Variants in NEGR1 observed in about 807,000 individuals in gnomAD.
NEGR1 encodes IgLON family member 4.
In NEGR1, 10 loss-of-function variants were observed where a neutral mutation model predicts 40.9. The observed-to-expected ratio is 0.24, with a 90% CI of 0.15 to 0.42. The LOEUF (loss-of-function observed/expected upper bound fraction) is 0.42, where lower values mean the gene tolerates loss of function less well. Among genes scored for constraint, NEGR1 ranks in the 10% least tolerant of loss-of-function variants. The probability of loss-of-function intolerance (pLI) is 1.00; values close to 1 mark genes in which losing one functional copy is unlikely to be tolerated. For missense variants in NEGR1, 352 were observed against 438.9 expected (o/e 0.80, Z 1.77); for synonymous variants, 185 against 166.8 (o/e 1.11, Z -0.84).
At chr1:72,081,094 C>A (rs1647976632) in intron 1 of NEGR1, among the ~76,000 whole-genome samples, 1 of 152,098 alleles carries the variant, frequency 6.6e-6, no homozygotes, top group South Asian at 2.1e-4. Context: ...AAGTTCTAGT[C>A]ATTTACATAC....
Position 72,006,580 on chromosome 1 carries a change from A to T in NEGR1, c.177-71269T>A, listed in dbSNP as rs529753644. ...CTACAGATCCATTATGCATTTTGAC[A>T]TTAAGCACCCAGTAATTAGCCAAGT... On this transcript the variant is annotated intron_variant, in intron 1 of 6. Coordinates refer to ENST00000357731, the MANE Select transcript of NEGR1 (RefSeq NM_173808.3). Among the ~76,000 whole-genome samples the T allele has an allele frequency of 3.9e-5, 6 of 152,310 alleles. No individual in the cohort carries two copies. In the South Asian group the frequency reaches 1.2e-3, roughly 32 times the overall value.
At chr1:71,590,207 A>G (rs1302632658) in intron 6 of NEGR1, among the ~76,000 whole-genome samples, 1 of 152,078 alleles carries the variant, frequency 6.6e-6, no homozygotes, top group African/African-American at 2.4e-5. Context: ...TACTTTGTGC[A>G]CATGATTGTT....
At chr1:72,153,434 G>A (rs1020259717) in intron 1 of NEGR1, among the ~76,000 whole-genome samples, 11 of 151,680 alleles carry the variant, frequency 7.3e-5, no homozygotes, top group Admixed American at 7.2e-4. Flanking sequence ...TAAATACAAA[G>A]ACCCAAGTTA....
At chr1:71,613,924 A>C (rs751439376) in intron 4 of NEGR1, among the ~76,000 whole-genome samples, 1 of 152,142 alleles carries the variant, frequency 6.6e-6, no homozygotes, top group Non-Finnish European at 1.5e-5. Flanking sequence ...ATCAATATTC[A>C]GTGAATACTG....
chr1:71,602,677 C>T (rs1288863634), intron 5 of NEGR1, among the ~76,000 whole-genome samples: 1 of 152,186 alleles, frequency 6.6e-6, no homozygotes. Context: ...TGGGCTCTTA[C>T]TGTGCACTTT....
At chr1:72,261,433 G>GA (rs1204817951) in intron 1 of NEGR1, among the ~76,000 whole-genome samples, 2 of 151,816 alleles carry the variant, frequency 1.3e-5, no homozygotes, top group Non-Finnish European at 2.9e-5. Context: ...ATACTTCTCA[G>GA]AAAAAAATCC....
chr1:71,958,143 C>A (rs936397274), intron 1 of NEGR1, among the ~76,000 whole-genome samples: 1 of 152,156 alleles, frequency 6.6e-6, no homozygotes, highest in East Asian at 1.9e-4. Context: ...TCTATTTTCC[C>A]ACATCCACTG....
intron 2 of NEGR1, among the ~76,000 whole-genome samples, chr1:71,859,625 C>A (rs1304426648): frequency 6.6e-6 from 1 of 151,882 alleles, no homozygotes; most frequent in Non-Finnish European, 1.5e-5. Context: ...CAAAAGCAAG[C>A]AGTAGGGTAG....
chr1:71,643,440 C>T (rs947211666), intron 4 of NEGR1, among the ~76,000 whole-genome samples: 4 of 151,996 alleles, frequency 2.6e-5, no homozygotes, highest in South Asian at 2.1e-4. Context: ...AGATAGGCAA[C>T]AAAAGTTGCA....
At chr1:72,038,575 C>T (rs1646925209) in intron 1 of NEGR1, among the ~76,000 whole-genome samples, 1 of 151,906 alleles carries the variant, frequency 6.6e-6, no homozygotes, top group Non-Finnish European at 1.5e-5. Context: ...GATTTCTGTT[C>T]TAAAAACATC....
chr1:71,498,061 G>GA (rs1422380833), intron 6 of NEGR1, among the ~76,000 whole-genome samples: 3 of 151,262 alleles, frequency 2.0e-5, no homozygotes, highest in Admixed American at 1.3e-4. Flanking sequence ...TGTTGAATTG[G>GA]AACTTTTTTT....
At chr1:71,834,492 G>C (rs973462458) in intron 2 of NEGR1, among the ~76,000 whole-genome samples, 1 of 149,520 alleles carries the variant, frequency 6.7e-6, no homozygotes, top group East Asian at 2.0e-4. Flanking sequence ...TCCCTCAATG[G>C]TTGAGCTGGG....
At chr1:71,940,779 G>A (rs962579063) in intron 1 of NEGR1, among the ~76,000 whole-genome samples, 2 of 152,150 alleles carry the variant, frequency 1.3e-5, no homozygotes, top group Non-Finnish European at 2.9e-5. Context: ...ACATCAGAGA[G>A]TGTAGCGAAA....
intron 2 of NEGR1, among the ~76,000 whole-genome samples, chr1:71,885,674 A>C (rs1660704057): frequency 6.6e-6 from 1 of 152,176 alleles, no homozygotes; most frequent in Non-Finnish European, 1.5e-5. Flanking sequence ...CAAAATATTT[A>C]ATATGCACAG....
At chr1:71,457,066 T>C (rs1370083900) in intron 6 of NEGR1, among the ~76,000 whole-genome samples, 1 of 152,112 alleles carries the variant, frequency 6.6e-6, no homozygotes, top group African/African-American at 2.4e-5. Context: ...AGTCCTCACA[T>C]CTCTTCCTTC....
At chr1:72,121,395 C>G (rs997293354) in intron 1 of NEGR1, among the ~76,000 whole-genome samples, 2 of 151,880 alleles carry the variant, frequency 1.3e-5, no homozygotes, top group African/African-American at 4.8e-5. Context: ...ACAGCTATAA[C>G]AAATGTATCA....
At chr1:71,442,909 C>A (rs1026040424) in intron 6 of NEGR1, among the ~76,000 whole-genome samples, 6 of 152,150 alleles carry the variant, frequency 3.9e-5, no homozygotes, top group Non-Finnish European at 7.3e-5. Context: ...TCAGGGATAT[C>A]CTGTGCTCAC....
At chr1:71,490,509 C>T (rs1057342957) in intron 6 of NEGR1, among the ~76,000 whole-genome samples, 8 of 151,966 alleles carry the variant, frequency 5.3e-5, no homozygotes, top group African/African-American at 7.2e-5. Flanking sequence ...TATATTCTTC[C>T]TTGCTGGCAG....
chr1:72,024,888 T>C (rs1646793354), intron 1 of NEGR1, among the ~76,000 whole-genome samples: 1 of 152,200 alleles, frequency 6.6e-6, no homozygotes, highest in Admixed American at 6.5e-5. Context: ...ACAATATACA[T>C]TGAGGTACTA....
Sources: allele counts gnomAD v4.1 joint callset (sites outside exome capture counted in the v4.1 genomes callset), GRCh38; gene constraint gnomAD v4.1.1; transcripts MANE v1.5; gene names NCBI Gene and HGNC (gene_info 2026-07-23, HGNC 2026-07-21).